The following MYL4 variants were observed in gnomAD, a reference collection of about 807,000 sequenced individuals.
MYL4 encodes atrial myosin light chain 1.
A neutral mutation model predicts 21.6 loss-of-function variants in MYL4; 16 were observed. The observed-to-expected ratio is 0.74, with a 90% CI of 0.50 to 1.12. MYL4 has a LOEUF of 1.12. MYL4 is among the 50% of genes most tolerant of loss of function. MYL4 has a pLI of 0.00. For synonymous variants in MYL4, 82 were observed against 95.7 expected, an observed-to-expected ratio of 0.86 and a Z score of 0.83; for missense variants, 249 against 252.9, an observed-to-expected ratio of 0.98 and a Z score of 0.11.
At chr17:47,224,751 C>T (rs1371678562), downstream of MYL4, among the ~76,000 whole-genome samples, 1 of 152,092 alleles carries the variant, frequency 6.6e-6, no homozygotes, top group Non-Finnish European at 1.5e-5. Context: ...GGTGCCTCTT[C>T]CTCTGAGTGC....
At chr17:47,200,100 G>C (rs565141919), upstream of MYL4, among the ~76,000 whole-genome samples, 1 of 148,960 alleles carries the variant, frequency 6.7e-6, no homozygotes, top group South Asian at 2.2e-4. Flanking sequence ...GAGGAGAGTT[G>C]GTGGCAGAAT....
chr17:47,210,764 TC>T (rs1326038663), intron 1 of MYL4, among the ~76,000 whole-genome samples: 1 of 152,008 alleles, frequency 6.6e-6, no homozygotes, highest in Non-Finnish European at 1.5e-5. Context: ...GAGGCAATTG[TC>T]CCTTTTCTGA....
upstream of MYL4, among the ~76,000 whole-genome samples, chr17:47,196,335 T>A (rs1163764229): frequency 1.3e-5 from 2 of 152,188 alleles, no homozygotes; most frequent in Non-Finnish European, 2.9e-5. Flanking sequence ...ATCATGGACC[T>A]CTAGCCTCCA....
downstream of MYL4, among the ~76,000 whole-genome samples, chr17:47,225,732 C>G (rs560957153): frequency 9.2e-5 from 14 of 152,154 alleles, no homozygotes; most frequent in Non-Finnish European, 1.8e-4. Context: ...TTCCTTGTCC[C>G]TACCTCGCAG....
chr17:47,213,853 G>A (rs373073361), intron 2 of MYL4, 27 bp downstream of exon 2: 50 of 1,612,086 alleles, frequency 3.1e-5, no homozygotes, highest in African/African-American at 1.6e-4. Context: ...CCACCTCTCC[G>A]TCTCTATTGC....
chr17:47,190,038 A>G, the MYL4 span, among the ~76,000 whole-genome samples: 1 of 152,184 alleles, frequency 6.6e-6, no homozygotes, highest in Admixed American at 6.5e-5. Flanking sequence ...AAGTATAGGA[A>G]AGTGAAGGGA....
At chr17:47,214,429 G>A (rs1250520254) in intron 2 of MYL4, among the ~76,000 whole-genome samples, 1 of 152,114 alleles carries the variant, frequency 6.6e-6, no homozygotes, top group East Asian at 1.9e-4. Context: ...CAGCTGTAAA[G>A]CAGGACTCAA....
upstream of MYL4, among the ~76,000 whole-genome samples, chr17:47,206,189 A>G (rs1371995519): frequency 2.0e-5 from 3 of 152,132 alleles, no homozygotes; most frequent in Non-Finnish European, 4.4e-5. Flanking sequence ...ATCACTGTCT[A>G]CCTCCAGAGT....
At chr17:47,204,107 C>T (rs2064718749), upstream of MYL4, among the ~76,000 whole-genome samples, 1 of 151,922 alleles carries the variant, frequency 6.6e-6, no homozygotes, top group Admixed American at 6.5e-5. Context: ...TTTGCTGTTA[C>T]TCTTACCAAC....
chr17:47,209,673 A>G (rs983508834), intron 1 of MYL4, 116 bp downstream of exon 1: 1 of 1,515,360 alleles, frequency 6.6e-7, no homozygotes, highest in African/African-American at 1.4e-5. Flanking sequence ...TAGGGTGTCC[A>G]TGCCCCAGAT....
downstream of MYL4, among the ~76,000 whole-genome samples, chr17:47,225,067 G>T (rs1390497053): frequency 2.6e-5 from 4 of 152,182 alleles, no homozygotes; most frequent in Admixed American, 2.6e-4. Context: ...ACTCCCCAAG[G>T]TGAAATAAAT....
Position 47,209,372 on chromosome 17 carries a change from T to G in MYL4, c.-51T>G. ...TATCTCATCTCCCAGACGCCACGTC[T>G]CTCGGTTTCTTCTTAGATCACTCCT... On this transcript the variant is annotated 5_prime_UTR_variant, in exon 1 of 7. Coordinates refer to ENST00000393450, the MANE Select transcript of MYL4 (RefSeq NM_002476.2). 1 of 1,613,414 alleles carries G rather than the reference T, an allele frequency of 6.2e-7. No homozygotes were observed. Among genetic ancestry groups the G allele is most frequent in the Non-Finnish European group, 8.5e-7 (1 of 1,179,712 alleles).
upstream of MYL4, among the ~76,000 whole-genome samples, chr17:47,204,730 C>T (rs1567742827): frequency 5.1e-5 from 4 of 77,766 alleles, no homozygotes; most frequent in African/African-American, 1.2e-4. Context: ...GACCCTGTCT[C>T]GAAAAAAAAA....
chr17:47,226,659 G>A (rs183773430), downstream of MYL4, among the ~76,000 whole-genome samples: 29 of 152,344 alleles, frequency 1.9e-4, no homozygotes, highest in East Asian at 5.0e-3. Flanking sequence ...ATGGAAGTGC[G>A]TTTCTTCCTC....
the MYL4 span, among the ~76,000 whole-genome samples, chr17:47,191,510 C>A: frequency 2.0e-5 from 3 of 152,086 alleles, no homozygotes; most frequent in Non-Finnish European, 2.9e-5. Flanking sequence ...TGCTCTGTTG[C>A]CCAGAGCTGG....
At chr17:47,193,889 G>C in the MYL4 span, among the ~76,000 whole-genome samples, 1 of 152,148 alleles carries the variant, frequency 6.6e-6, no homozygotes, top group Non-Finnish European at 1.5e-5. Context: ...CCGAGTAGCT[G>C]GGACCACAGG....
At chr17:47,209,860 T>C (rs1208179744) in intron 1 of MYL4, among the ~76,000 whole-genome samples, 3 of 152,200 alleles carry the variant, frequency 2.0e-5, no homozygotes, top group Non-Finnish European at 4.4e-5. Context: ...TCCACCCTTT[T>C]ATAAGGCATT....
the MYL4 span, among the ~76,000 whole-genome samples, chr17:47,193,095 T>G: frequency 6.6e-6 from 1 of 152,092 alleles, no homozygotes; most frequent in Non-Finnish European, 1.5e-5. Flanking sequence ...CAGTCCTCCT[T>G]GTCTGTACCC....
chr17:47,214,059 C>T (rs1212160687), intron 2 of MYL4: 4 of 532,808 alleles, frequency 7.5e-6, no homozygotes, highest in Non-Finnish European at 1.4e-5. Context: ...GTTACCTCCC[C>T]CATTTTACAA....
Sources: gnomAD v4.1 joint callset for allele counts (sites outside exome capture counted in the v4.1 genomes callset) on GRCh38, gnomAD v4.1.1 for gene constraint, MANE v1.5 for transcripts, NCBI Gene and HGNC (gene_info 2026-07-23, HGNC 2026-07-21) for gene names.